MAP4K3: variants seen among roughly 807,000 people sequenced by gnomAD.
MAP4K3 encodes mitogen-activated protein kinase kinase kinase kinase 3, also known as MAPK/ERK kinase kinase kinase 3.
In MAP4K3, 94 loss-of-function variants were observed where a neutral mutation model predicts 143.5. The observed-to-expected ratio is 0.65, with a 90% CI of 0.55 to 0.78. The LOEUF (loss-of-function observed/expected upper bound fraction) is 0.78. Among genes scored for constraint, MAP4K3 ranks in the 30% least tolerant of loss-of-function variants. The pLI is 0.00. For missense variants in MAP4K3, 1,077 were observed against 1,068.1 expected (o/e 1.01, Z -0.12); for synonymous variants, 416 against 347.2 (o/e 1.20, Z -2.20).
intron 1 of MAP4K3, among the ~76,000 whole-genome samples, chr2:39,411,286 G>A (rs1441711881): frequency 6.6e-6 from 1 of 152,178 alleles, no homozygotes; most frequent in Non-Finnish European, 1.5e-5. Flanking sequence ...CTGACACGAA[G>A]GCAGATGTTT....
chr2:39,266,320 C>T (rs1680761833), intron 27 of MAP4K3, among the ~76,000 whole-genome samples: 1 of 152,150 alleles, frequency 6.6e-6, no homozygotes, highest in African/African-American at 2.4e-5. Flanking sequence ...CCAGATACTC[C>T]TTCCCTGCTA....
chr2:39,250,425 T>C lies in MAP4K3; in HGVS notation c.*193A>G, dbSNP rs1201553184. On this transcript the variant is annotated 3_prime_UTR_variant, in exon 34 of 34. Transcript: ENST00000263881. ...GATTACATAACAATGAATTAAGCAC[T>C]TGTGTGGTTCAATATGCTAAATATA... 1.9e-6 allele frequency: 1 copy of C among 515,166 alleles called. No homozygotes were observed. Among genetic ancestry groups the C allele is most frequent in the Non-Finnish European group, 3.4e-6 (1 of 290,016 alleles). 31.9% of individuals were successfully genotyped at this position (515,166 alleles called of 1,614,324 possible).
chr2:39,383,558 A>T (rs553734825), intron 1 of MAP4K3, among the ~76,000 whole-genome samples: 1 of 152,034 alleles, frequency 6.6e-6, no homozygotes, highest in South Asian at 2.1e-4. Context: ...AAACTAACAG[A>T]GTGACATACA....
chr2:39,334,825 T>TAAAAAAAA (rs1683809768), intron 6 of MAP4K3, among the ~76,000 whole-genome samples: 2 of 152,062 alleles, frequency 1.3e-5, no homozygotes, highest in Non-Finnish European at 2.9e-5. Flanking sequence ...AGGAAAAAAC[T>TAAAAAAAA]TAAAATAAAT....
chr2:39,381,098 G>T (rs953923434), intron 1 of MAP4K3, among the ~76,000 whole-genome samples: 2 of 152,206 alleles, frequency 1.3e-5, no homozygotes, highest in African/African-American at 4.8e-5. Context: ...CTGGTTTCTT[G>T]CACTTGGTGT....
intron 2 of MAP4K3, among the ~76,000 whole-genome samples, chr2:39,365,863 C>T (rs1665908601): frequency 6.6e-6 from 1 of 152,160 alleles, no homozygotes; most frequent in South Asian, 2.1e-4. Flanking sequence ...TTCCCATTTC[C>T]ATTCTATTTT....
chr2:39,427,878 A>T (rs1244160480), intron 1 of MAP4K3, among the ~76,000 whole-genome samples: 1 of 152,122 alleles, frequency 6.6e-6, no homozygotes, highest in Non-Finnish European at 1.5e-5. Context: ...TATCTACCAC[A>T]TTTCCCAATA....
intron 7 of MAP4K3, among the ~76,000 whole-genome samples, chr2:39,332,198 A>T (rs1024622446): frequency 6.6e-6 from 1 of 152,118 alleles, no homozygotes; most frequent in African/African-American, 2.4e-5. Context: ...GCCAAATAAG[A>T]TTCCCATATA....
intron 1 of MAP4K3, among the ~76,000 whole-genome samples, chr2:39,422,334 C>T (rs554887192): frequency 6.6e-6 from 1 of 152,198 alleles, no homozygotes; most frequent in South Asian, 2.1e-4. Context: ...CCTTATCTCC[C>T]CTAGTTCTCT....
chr2:39,429,555 G>A (rs945178522), intron 1 of MAP4K3, among the ~76,000 whole-genome samples: 3 of 152,180 alleles, frequency 2.0e-5, no homozygotes, highest in Non-Finnish European at 4.4e-5. Flanking sequence ...TTTTGATAAT[G>A]CACTATAGGT....
chr2:39,280,210 T>C, intron 23 of MAP4K3, 62 bp downstream of exon 23: 1 of 922,954 alleles, frequency 1.1e-6, no homozygotes, highest in Non-Finnish European at 1.6e-6. Context: ...AAATCACAAA[T>C]GCTTTCATGG....
Position 39,260,664 on chromosome 2 carries a change from T to G in MAP4K3, c.2250A>C (p.Gln750His), listed in dbSNP as rs763570074. 33 of 1,614,106 alleles carry G rather than the reference T, an allele frequency of 2.0e-5. No homozygotes were observed. Among genetic ancestry groups the G allele is most frequent in the Non-Finnish European group, 2.7e-5 (32 of 1,180,004 alleles). ...GATTGACCGTCTCAAATCGAACCAC[T>G]TGGTTGAAGTCTCTACCTCTACTGA... ...VGVSRGRDFNQVVRFETVNPN... is the reference protein window; with the variant it reads ...VGVSRGRDFNHVVRFETVNPN... The change falls in exon 29 of 34, where the codon CAA becomes CAC. Residue 750 changes from glutamine (Q) to histidine (H), a missense_variant. Gln to His is a conservative substitution (Grantham distance 24). This residue lies in a region of MAP4K3 where 864 missense variants were observed against 801.2 expected (regional missense o/e 1.08). Transcript: ENST00000263881.
At chr2:39,408,399 G>A (rs979880664) in intron 1 of MAP4K3, among the ~76,000 whole-genome samples, 5 of 152,080 alleles carry the variant, frequency 3.3e-5, no homozygotes, top group African/African-American at 4.8e-5. Context: ...CATTAGACAC[G>A]ATACTCTAGG....
chr2:39,419,531 C>T (rs771210660), intron 1 of MAP4K3, among the ~76,000 whole-genome samples: 17 of 152,190 alleles, frequency 1.1e-4, no homozygotes, highest in African/African-American at 2.4e-4. Context: ...ATAGCAGCTC[C>T]GCCCAGTAAT....
chr2:39,359,595 G>A (rs893711770), intron 2 of MAP4K3, among the ~76,000 whole-genome samples: 1 of 152,254 alleles, frequency 6.6e-6, no homozygotes, highest in Non-Finnish European at 1.5e-5. Context: ...CTTCTGCACT[G>A]CCCTAGCAGA....
chr2:39,262,658 A>G (rs1680615204), intron 28 of MAP4K3, among the ~76,000 whole-genome samples: 2 of 152,190 alleles, frequency 1.3e-5, no homozygotes, highest in South Asian at 4.1e-4. Flanking sequence ...ATTCATGTCT[A>G]ATAGTTTTAA....
chr2:39,429,607 C>T (rs1665220851), intron 1 of MAP4K3, among the ~76,000 whole-genome samples: 1 of 152,172 alleles, frequency 6.6e-6, no homozygotes, highest in African/African-American at 2.4e-5. Flanking sequence ...GTGTTGGGTA[C>T]ATGAGACCTC....
At chr2:39,265,976 A>G (rs550012423) in intron 27 of MAP4K3, among the ~76,000 whole-genome samples, 35 of 152,352 alleles carry the variant, frequency 2.3e-4, no homozygotes, top group South Asian at 1.2e-3. Context: ...AAAGGGGAAC[A>G]GCAGTAAAGT....
In MAP4K3 at chr2:39,415,996, TATATATATAA is replaced by T. The variant is rs557240646; in HGVS notation, c.96+20886_96+20895del. Among the ~76,000 whole-genome samples the T allele has an allele frequency of 3.8e-3, 341 of 90,896 alleles. 29 individuals are homozygous for T. Among genetic ancestry groups the T allele is most frequent in the African/African-American group, 0.014 (329 of 22,702 alleles). The allele number at this position is 90,896 out of a possible 152,430, so 59.6% of individuals were successfully genotyped here. A position where few individuals can be genotyped will look rare whatever the true frequency, so the allele number is the denominator to read the frequency against. On this transcript the variant is annotated intron_variant, in intron 1 of 33. Coordinates refer to ENST00000263881, the MANE Select transcript of MAP4K3 (RefSeq NM_003618.4). Reference sequence around the variant, plus strand: ...AAAAAAAAAAATATATATATATATATATATATATAAAAATAACATTTGGAAGAATAAATTC... The same window carrying T: ...AAAAAAAAAAATATATATATATATATAAATAACATTTGGAAGAATAAATTC...
Sources: allele counts gnomAD v4.1 joint callset (sites outside exome capture counted in the v4.1 genomes callset), GRCh38; gene constraint gnomAD v4.1.1; regional missense constraint gnomAD v4.1.1; transcripts MANE v1.5; gene names NCBI Gene and HGNC (gene_info 2026-07-23, HGNC 2026-07-21).